GPALPP1: variants seen among roughly 807,000 people sequenced by gnomAD.
The protein encoded by GPALPP1 is GPALPP motifs-containing protein 1.
Under a neutral mutation model 38.9 loss-of-function variants are expected in GPALPP1, and 30 were observed. The observed-to-expected ratio is 0.77, with a 90% CI of 0.58 to 1.05. GPALPP1 has a LOEUF of 1.05. Ranked by LOEUF, GPALPP1 falls within the 50% of genes least tolerant of loss-of-function variation. GPALPP1 has a pLI of 0.00. For missense variants in GPALPP1, 384 were observed against 408.8 expected (o/e 0.94, Z 0.52); for synonymous variants, 120 against 139.2 (o/e 0.86, Z 0.97).
At chr13:44,996,568 C>T (rs1272890013) in intron 1 of GPALPP1, among the ~76,000 whole-genome samples, 2 of 151,606 alleles carry the variant, frequency 1.3e-5, no homozygotes, top group African/African-American at 4.8e-5. Flanking sequence ...ACTGCAACCT[C>T]TGCCTCCTGG....
intron 3 of GPALPP1, among the ~76,000 whole-genome samples, 165 bp from the exon 4 acceptor site, chr13:45,008,630 G>A (rs3783149): frequency 0.041 from 6,186 of 152,204 alleles, 164 homozygotes; most frequent in East Asian, 0.12. Context: ...TTTAAAAGAC[G>A]TCTAGCAGAA....
rs1566084422 is a variant in GPALPP1, at chr13:45,024,158, T to TGTGTGTGTGTGTGTGC, written c.805-3612_805-3611insCGTGTGTGTGTGTGTG. Reference sequence around the variant, plus strand: ...TATCCCCTAAAACTCTGTGTGTGTGTGTGTGTGTGTGTGTGTGTGTGTGTG... The same window carrying TGTGTGTGTGTGTGTGC: ...TATCCCCTAAAACTCTGTGTGTGTGTGTGTGTGTGTGTGTGCGTGTGTGTGTGTGTGTGTGTGTGTG... On this transcript the variant is annotated intron_variant, in intron 7 of 7. Coordinates refer to ENST00000379151, the MANE Select transcript of GPALPP1 (RefSeq NM_018559.5). Among the ~76,000 whole-genome samples, 24 of 9,792 alleles carry TGTGTGTGTGTGTGTGC rather than the reference T, an allele frequency of 2.5e-3. No individual in the cohort carries two copies. The East Asian group carries it at 0.044, about 18-fold the overall frequency. The allele number at this position is 9,792 out of a possible 152,430, so 6.4% of individuals were successfully genotyped here. A position where few individuals can be genotyped will look rare whatever the true frequency, so the allele number is the denominator to read the frequency against.
chr13:45,027,421 G>A (rs1237178201), intron 7 of GPALPP1, among the ~76,000 whole-genome samples: 1 of 152,112 alleles, frequency 6.6e-6, no homozygotes, highest in Non-Finnish European at 1.5e-5. Flanking sequence ...TGCCACATCC[G>A]TGTTCTTACT....
chr13:45,013,512 C>CT (rs1334704992), intron 4 of GPALPP1, among the ~76,000 whole-genome samples: 2 of 152,210 alleles, frequency 1.3e-5, no homozygotes, highest in African/African-American at 4.8e-5. Flanking sequence ...AAAGTGACTA[C>CT]TTTGTAATAT....
At position 45,004,363 on chromosome 13, in the gene GPALPP1, C is replaced by T. The variant is rs1297068917; in HGVS notation, c.147C>T (p.Ser49=). Residue 49 remains serine (S), a synonymous_variant, in exon 2 of 8, where the codon AGC becomes AGT. Transcript: ENST00000379151. ...GCAGTAGTTCAGATTCATCAGACAG[C>T]GATGAAGACAGTAGTTCTTTGTACG... ...YKSSSSDSSD[S]DEDSSSLYEE... 20 of 1,598,368 alleles carry T rather than the reference C, an allele frequency of 1.3e-5. No homozygotes were observed. The highest frequency in any genetic ancestry group is 3.3e-4 in the Middle Eastern group (2 of 6,028).
At chr13:45,015,333 A>G in intron 5 of GPALPP1, 99 bp from the exon 6 acceptor site, 1 of 712,302 alleles carries the variant, frequency 1.4e-6, no homozygotes, top group Non-Finnish European at 2.2e-6. Flanking sequence ...AAGTAACTTT[A>G]AAACTTCAAT....
intron 4 of GPALPP1, among the ~76,000 whole-genome samples, chr13:45,013,140 C>A (rs930546431): frequency 5.3e-5 from 8 of 152,186 alleles, no homozygotes; most frequent in African/African-American, 1.9e-4. Flanking sequence ...GAGGTAAGAT[C>A]ATCCCAGGCT....
intron 3 of GPALPP1, 105 bp downstream of exon 3, chr13:45,006,408 T>TTA: frequency 1.7e-6 from 1 of 585,624 alleles, no homozygotes. Context: ...ACTGAAATAT[T>TTA]TATATAACAT....
At chr13:45,022,336 A>G (rs1360162894) in intron 7 of GPALPP1, among the ~76,000 whole-genome samples, 6 of 152,180 alleles carry the variant, frequency 3.9e-5, no homozygotes, top group Non-Finnish European at 8.8e-5. Context: ...AGTGATAGAA[A>G]GGTTCCAGAT....
chr13:44,989,691 G>T lies in GPALPP1; in HGVS notation c.37G>T (p.Gly13Cys). 1.2e-6 allele frequency: 2 copies of T among 1,612,238 alleles called. No individual in the cohort carries two copies. The highest frequency in any genetic ancestry group is 1.7e-6 in the Non-Finnish European group (2 of 1,179,924). Residue 13 changes from glycine to cysteine, a missense_variant, in exon 1 of 8, where the codon GGC becomes TGC. By Grantham distance (159) the Gly-to-Cys change is radical. Transcript: ENST00000379151. ...RDLIGPALPP[G>C]FKARGTAEDE... ...CCTGATCGGACCGGCCCTGCCGCCC[G>T]GCTTCAAGGCCCGCGGAACAGCGGA...
intron 1 of GPALPP1, among the ~76,000 whole-genome samples, chr13:44,996,691 C>G (rs1873303902): frequency 6.6e-6 from 1 of 151,266 alleles, no homozygotes; most frequent in South Asian, 2.1e-4. Context: ...CCATGTTGGC[C>G]AGACTGGTCT....
intron 4 of GPALPP1, among the ~76,000 whole-genome samples, chr13:45,014,575 A>G (rs145408116): frequency 9.2e-5 from 14 of 152,306 alleles, no homozygotes; most frequent in African/African-American, 3.4e-4. Context: ...ATAGTTATTA[A>G]GAGTATGTTT....
intron 4 of GPALPP1, among the ~76,000 whole-genome samples, chr13:45,010,408 T>C (rs1874385518): frequency 6.6e-6 from 1 of 152,254 alleles, no homozygotes; most frequent in Non-Finnish European, 1.5e-5. Context: ...GAAGATACTA[T>C]TAATTTTACT....
At chr13:45,012,354 C>G (rs1038394187) in intron 4 of GPALPP1, among the ~76,000 whole-genome samples, 5 of 152,068 alleles carry the variant, frequency 3.3e-5, no homozygotes, top group African/African-American at 1.2e-4. Context: ...AAGTGTGTGT[C>G]TGTCTATCTC....
intron 6 of GPALPP1, among the ~76,000 whole-genome samples, chr13:45,019,736 T>C (rs1425942244): frequency 6.6e-6 from 1 of 151,800 alleles, no homozygotes; most frequent in East Asian, 1.9e-4. Flanking sequence ...TTTTCACTTC[T>C]ACATCTCACC....
At position 45,029,051 on chromosome 13, in the gene GPALPP1, ACT is replaced by A. The variant is rs1045806462; in HGVS notation, c.*1051_*1052del. 19 of 152,130 alleles carry A rather than the reference ACT, an allele frequency of 1.2e-4. No homozygotes were observed. The highest frequency in any genetic ancestry group is 3.6e-4 in the African/African-American group (15 of 41,518). 9.4% of individuals were successfully genotyped at this position (152,130 alleles called of 1,614,324 possible). ...CTAGCCTAGGTGACAAGATCGAGAG[ACT>A]CTGTCTCAAAAAAGAAAGAAAAAGA... is the stretch of plus-strand genomic sequence containing the variant. On this transcript the variant is annotated 3_prime_UTR_variant, in exon 8 of 8. Transcript: ENST00000379151.
intron 1 of GPALPP1, among the ~76,000 whole-genome samples, chr13:44,997,222 C>T (rs1315299099): frequency 6.6e-6 from 1 of 151,986 alleles, no homozygotes; most frequent in African/African-American, 2.4e-5. Flanking sequence ...TCCTGTGTTC[C>T]TCACACTCTG....
At chr13:44,989,777 A>T in intron 1 of GPALPP1, 35 bp downstream of exon 1, 1 of 1,493,914 alleles carries the variant, frequency 6.7e-7, no homozygotes, top group Non-Finnish European at 9.2e-7. Flanking sequence ...CACCAGGCCC[A>T]TCTACCCACT....
chr13:45,000,611 C>T (rs145629326), intron 1 of GPALPP1, among the ~76,000 whole-genome samples: 2 of 152,220 alleles, frequency 1.3e-5, no homozygotes, highest in African/African-American at 4.8e-5. Context: ...ACATGGATAG[C>T]AGTCACATAT....
Sources: gnomAD v4.1 joint callset for allele counts (sites outside exome capture counted in the v4.1 genomes callset) on GRCh38, gnomAD v4.1.1 for gene constraint, MANE v1.5 for transcripts, NCBI Gene and HGNC (gene_info 2026-07-23, HGNC 2026-07-21) for gene names.